NECAP1: variants seen among roughly 807,000 people sequenced by gnomAD.
The protein encoded by NECAP1 is adaptin ear-binding coat-associated protein 1.
A neutral mutation model predicts 33.4 loss-of-function variants in NECAP1; 13 were observed. The ratio of observed to expected loss-of-function variants is 0.39; its 90% CI spans 0.25 to 0.62. The LOEUF (loss-of-function observed/expected upper bound fraction) is 0.62. Ranked by LOEUF, NECAP1 falls within the 20% of genes least tolerant of loss-of-function variation. The probability of loss-of-function intolerance (pLI) is 0.52; values close to 1 mark genes in which losing one functional copy is unlikely to be tolerated. For synonymous variants in NECAP1, 109 were observed against 125.2 expected (o/e 0.87, Z 0.86); for missense variants, 272 against 347.4 (o/e 0.78, Z 1.73).
chr12:8,095,698 C>G lies in NECAP1; in HGVS notation c.774C>G (p.Ala258=). 6.2e-7 allele frequency: 1 copy of G among 1,609,906 alleles called. No homozygotes were observed. Among genetic ancestry groups the G allele is most frequent in the Non-Finnish European group, 8.5e-7 (1 of 1,176,192 alleles). The change falls in exon 7 of 8, where the codon GCC becomes GCG. Residue 258 remains alanine (A), a synonymous_variant. Transcript: ENST00000339754. ...ACTTGTGGGGAGACTTCAGCACTGC[C>G]TCCAGGTAATGGGCATAGTGAAACT... ...SNDLWGDFST[A]SSSVPNQAPQ... is the part of the protein sequence containing the mutation.
At chr12:8,090,117 A>C in intron 2 of NECAP1, 78 bp from the exon 3 acceptor site, 2 of 1,581,320 alleles carry the variant, frequency 1.3e-6, no homozygotes, top group South Asian at 2.2e-5. Context: ...TGGGGACTGG[A>C]ATGGAAATAC....
At position 8,092,862 on chromosome 12, in the gene NECAP1, T is replaced by A; in HGVS notation, c.493-10T>A. 6.3e-7 allele frequency: 1 copy of A among 1,575,796 alleles called. No homozygotes were observed. The highest frequency in any genetic ancestry group is 8.6e-7 in the Non-Finnish European group (1 of 1,160,884). ...CATCTTTCTCTTGCTCTTCTTTTTT[T>A]CTTTTGTAGAACATTACAAACAAGA... is the stretch of plus-strand genomic sequence containing the variant. On this transcript the variant is annotated splice_polypyrimidine_tract_variant and intron_variant, in intron 5 of 7. Coordinates refer to ENST00000339754, the MANE Select transcript of NECAP1 (RefSeq NM_015509.4).
At chr12:8,089,843 C>A in intron 1 of NECAP1, 93 bp from the exon 2 acceptor site, 1 of 930,764 alleles carries the variant, frequency 1.1e-6, no homozygotes, top group Non-Finnish European at 1.7e-6. Flanking sequence ...ATAGGCAATC[C>A]AGGATAGGGA....
Position 8,096,153 on chromosome 12 carries a change from C to G in NECAP1, c.*63C>G. 1 of 1,535,794 alleles carries G rather than the reference C, an allele frequency of 6.5e-7. No homozygotes were observed. Among genetic ancestry groups the G allele is most frequent in the Non-Finnish European group, 8.9e-7 (1 of 1,118,092 alleles). On this transcript the variant is annotated 3_prime_UTR_variant, in exon 8 of 8. Transcript: ENST00000339754. ...TAAAAATGACCTTGAGGGCACCAAT[C>G]TGTGAGGGAAGTTAGGAACCCATTT...
intron 6 of NECAP1, chr12:8,093,273 G>A (rs1947566624): frequency 2.0e-6 from 1 of 512,648 alleles, no homozygotes; most frequent in Non-Finnish European, 3.4e-6. Flanking sequence ...TTATTAAAAT[G>A]ACAATTTCCT....
At chr12:8,085,842 T>C (rs759096916) in intron 1 of NECAP1, among the ~76,000 whole-genome samples, 8 of 152,050 alleles carry the variant, frequency 5.3e-5, no homozygotes, top group Non-Finnish European at 1.0e-4. Context: ...TAGTTGAGAT[T>C]ACAGATGTGC....
chr12:8,089,864 C>T (rs1351292493), intron 1 of NECAP1, 72 bp from the exon 2 acceptor site: 3 of 1,080,000 alleles, frequency 2.8e-6, no homozygotes, highest in Admixed American at 1.8e-5. Flanking sequence ...AATAGAAATA[C>T]AGTCAAAGAT....
Position 8,085,164 on chromosome 12 carries a change from C to G in NECAP1, c.95+2781C>G, listed in dbSNP as rs573709968. ...CCTCCCAAGTAGCTGGGACTACAGG[C>G]ACGTGCCACTATGCCCAGCTAATTT... On this transcript the variant is annotated intron_variant, in intron 1 of 7. Coordinates refer to ENST00000339754, the MANE Select transcript of NECAP1 (RefSeq NM_015509.4). Among the ~76,000 whole-genome samples, 31 of 152,266 alleles carry G rather than the reference C, an allele frequency of 2.0e-4. 1 individual carries two copies. The South Asian group carries it at 3.5e-3, about 17-fold the overall frequency.
chr12:8,089,910 T>C (rs1419040413), intron 1 of NECAP1, 26 bp from the exon 2 acceptor site: 3 of 1,565,314 alleles, frequency 1.9e-6, no homozygotes, highest in South Asian at 2.2e-5. Context: ...GACATGTGCC[T>C]GAGGCTTCCT....
intron 3 of NECAP1, 61 bp downstream of exon 3, chr12:8,090,360 G>A: frequency 1.4e-6 from 2 of 1,390,578 alleles, no homozygotes; most frequent in Non-Finnish European, 2.0e-6. Flanking sequence ...GCACAGCCAT[G>A]AAAAGTGTTT....
intron 1 of NECAP1, among the ~76,000 whole-genome samples, chr12:8,083,520 C>G (rs1284899950): frequency 6.9e-6 from 1 of 144,480 alleles, no homozygotes; most frequent in Non-Finnish European, 1.5e-5. Context: ...ACCTCCGCCT[C>G]CTGGGTTCAA....
At chr12:8,093,691 C>A (rs1411487191) in intron 6 of NECAP1, 1 of 151,766 alleles carries the variant, frequency 6.6e-6, no homozygotes, top group East Asian at 1.9e-4. Flanking sequence ...CCACTGTACT[C>A]CAGTGTGGGT....
At chr12:8,087,642 G>C (rs1322914702) in intron 1 of NECAP1, among the ~76,000 whole-genome samples, 3 of 151,612 alleles carry the variant, frequency 2.0e-5, no homozygotes, top group African/African-American at 7.3e-5. Context: ...TCCTGCCTTG[G>C]CCTCCCAAAG....
intron 1 of NECAP1, 89 bp from the exon 2 acceptor site, chr12:8,089,847 A>G (rs1322567230): frequency 1.0e-6 from 1 of 958,816 alleles, no homozygotes; most frequent in Non-Finnish European, 1.7e-6. Flanking sequence ...GCAATCCAGG[A>G]TAGGGAAATA....
At chr12:8,095,334 C>T (rs375732975) in intron 6 of NECAP1, 25 of 266,434 alleles carry the variant, frequency 9.4e-5, no homozygotes, top group African/African-American at 5.0e-4. Context: ...CTGCAAGCTC[C>T]GCTTCCCGGG....
At chr12:8,082,472 T>A in intron 1 of NECAP1, 89 bp downstream of exon 1, 1 of 1,204,538 alleles carries the variant, frequency 8.3e-7, no homozygotes, top group Non-Finnish European at 1.2e-6. Flanking sequence ...TCCCTGCCAC[T>A]ACTACCTCTG....
At chr12:8,094,589 C>T (rs974283942) in intron 6 of NECAP1, 3 of 152,286 alleles carry the variant, frequency 2.0e-5, no homozygotes, top group Admixed American at 1.3e-4. Context: ...GCGTCAGCCT[C>T]CCAAACATCT....
intron 1 of NECAP1, among the ~76,000 whole-genome samples, chr12:8,086,974 G>A (rs891042863): frequency 1.3e-5 from 2 of 148,336 alleles, no homozygotes; most frequent in South Asian, 2.1e-4. Flanking sequence ...TAAATAAATG[G>A]TTAGAAAACA....
At chr12:8,093,162 A>G in intron 6 of NECAP1, 107 bp downstream of exon 6, 1 of 1,112,692 alleles carries the variant, frequency 9.0e-7, no homozygotes, top group Non-Finnish European at 1.3e-6. Context: ...AGCTCATGGT[A>G]CTGACAAGGT....
Sources: gnomAD v4.1 joint callset for allele counts (sites outside exome capture counted in the v4.1 genomes callset) on GRCh38, gnomAD v4.1.1 for gene constraint, MANE v1.5 for transcripts, NCBI Gene and HGNC (gene_info 2026-07-23, HGNC 2026-07-21) for gene names.